PJA2: variants seen among roughly 807,000 people sequenced by gnomAD.
PJA2 encodes praja ring finger ubiquitin ligase 2.
A neutral mutation model predicts 69.3 loss-of-function variants in PJA2; 25 were observed. The ratio of observed to expected loss-of-function variants is 0.36; its 90% CI spans 0.26 to 0.50. PJA2 has a LOEUF of 0.50. Among genes scored for constraint, PJA2 ranks in the 20% least tolerant of loss-of-function variants. The pLI, the probability that PJA2 is intolerant of heterozygous loss-of-function variation, is 0.96. For missense variants in PJA2, 809 were observed against 830.2 expected (o/e 0.97, Z 0.31); for synonymous variants, 308 against 277.8 (o/e 1.11, Z -1.08).
chr5:109,381,054 G>A (rs13154791), intron 3 of PJA2, among the ~76,000 whole-genome samples: 65,902 of 151,228 alleles, frequency 0.44, 17,665 homozygotes, highest in Middle Eastern at 0.6. Context: ...GATGGAGGTT[G>A]CAGTCAGCCA....
At chr5:109,388,878 T>C (rs1747222689) in intron 1 of PJA2, among the ~76,000 whole-genome samples, 1 of 152,192 alleles carries the variant, frequency 6.6e-6, no homozygotes, top group African/African-American at 2.4e-5. Flanking sequence ...AGTGAATGAA[T>C]TCCTTAGACA....
rs1007265301 is a variant in PJA2, at chr5:109,365,484, C to T, written c.1470-2462G>A. Among the ~76,000 whole-genome samples, 11 of 152,146 alleles carry T rather than the reference C, an allele frequency of 7.2e-5. 1 individual carries two copies. Among genetic ancestry groups the T allele is most frequent in the South Asian group, 2.1e-4 (1 of 4,814 alleles). On this transcript the variant is annotated intron_variant, in intron 5 of 9. Coordinates refer to ENST00000361189, the MANE Select transcript of PJA2 (RefSeq NM_014819.5). ...GTACACATATATGCTTTTATGTGTA[C>T]GGAAGATCTTTAGAAGTTCAAAAAG...
chr5:109,363,627 G>A (rs1358864375), intron 5 of PJA2, among the ~76,000 whole-genome samples: 1 of 152,146 alleles, frequency 6.6e-6, no homozygotes, highest in Non-Finnish European at 1.5e-5. Flanking sequence ...CCATCTCAGG[G>A]AGGCCTGTCT....
At chr5:109,400,253 T>C (rs1395889931) in intron 1 of PJA2, among the ~76,000 whole-genome samples, 2 of 148,720 alleles carry the variant, frequency 1.3e-5, no homozygotes, top group Non-Finnish European at 3.0e-5. Context: ...ATCACACCAC[T>C]GCACTCCAGT....
chr5:109,353,785 G>A (rs62643543), intron 7 of PJA2, among the ~76,000 whole-genome samples: 4,122 of 85,502 alleles, frequency 0.048, 110 homozygotes, highest in African/African-American at 0.11. Flanking sequence ...TAGATTAGAT[G>A]TCTATGATAT....
At chr5:109,406,624 T>G (rs181936854) in intron 1 of PJA2, among the ~76,000 whole-genome samples, 342 of 152,314 alleles carry the variant, frequency 2.2e-3, no homozygotes, top group African/African-American at 7.6e-3. Context: ...CAGTTTCTTA[T>G]AAACATCCAT....
At chr5:109,351,734 C>T (rs1762256092) in intron 7 of PJA2, among the ~76,000 whole-genome samples, 2 of 151,958 alleles carry the variant, frequency 1.3e-5, no homozygotes, top group Admixed American at 1.3e-4. Context: ...AAAACAATGA[C>T]CAATCTAGTA....
At chr5:109,400,493 G>C (rs1449964966) in intron 1 of PJA2, among the ~76,000 whole-genome samples, 1 of 135,756 alleles carries the variant, frequency 7.4e-6, no homozygotes, top group Non-Finnish European at 1.6e-5. Context: ...GGGAGGGGGG[G>C]GAAGGGCGGG....
intron 4 of PJA2, among the ~76,000 whole-genome samples, chr5:109,375,305 T>C (rs978261347): frequency 6.6e-6 from 1 of 151,798 alleles, no homozygotes; most frequent in African/African-American, 2.4e-5. Context: ...AGGTCACAGG[T>C]TCAAGACCAG....
At chr5:109,365,281 A>G (rs246104) in intron 5 of PJA2, among the ~76,000 whole-genome samples, 1 of 152,048 alleles carries the variant, frequency 6.6e-6, no homozygotes, top group Non-Finnish European at 1.5e-5. Context: ...TTCTTAGAAT[A>G]TGTGACTTTA....
chr5:109,383,249 T>C (rs891279581), intron 2 of PJA2, 154 bp downstream of exon 2: 10 of 548,914 alleles, frequency 1.8e-5, no homozygotes, highest in African/African-American at 9.7e-5. Flanking sequence ...TATCAAAAAT[T>C]AGAAACTAAG....
intron 4 of PJA2, among the ~76,000 whole-genome samples, chr5:109,372,542 G>A (rs1762690280): frequency 6.6e-6 from 1 of 152,104 alleles, no homozygotes; most frequent in Admixed American, 6.6e-5. Flanking sequence ...TAATAGTGCA[G>A]AGAAATCAAA....
intron 7 of PJA2, among the ~76,000 whole-genome samples, chr5:109,348,555 G>C (rs893679288): frequency 1.3e-5 from 2 of 152,300 alleles, no homozygotes; most frequent in Non-Finnish European, 2.9e-5. Context: ...AGTAGAAACA[G>C]TGTGCCCTCC....
chr5:109,406,117 C>T (rs567735469), intron 1 of PJA2, among the ~76,000 whole-genome samples: 39 of 147,682 alleles, frequency 2.6e-4, no homozygotes, highest in Non-Finnish European at 4.3e-4. Flanking sequence ...GATCTTGGCT[C>T]ACTGCGAGCT....
At chr5:109,359,957 G>A (rs548461059) in intron 6 of PJA2, among the ~76,000 whole-genome samples, 289 of 152,000 alleles carry the variant, frequency 1.9e-3, no homozygotes, top group Non-Finnish European at 3.1e-3. Flanking sequence ...CTCATAAGTG[G>A]GTCAGAAAAA....
At chr5:109,406,569 TGATG>T (rs916459104) in intron 1 of PJA2, among the ~76,000 whole-genome samples, 52 of 152,218 alleles carry the variant, frequency 3.4e-4, no homozygotes, top group Admixed American at 3.3e-3. Context: ...CATACACTGC[TGATG>T]GATATGTAAA....
chr5:109,399,720 A>G (rs1258803488), intron 1 of PJA2, among the ~76,000 whole-genome samples: 1 of 152,180 alleles, frequency 6.6e-6, no homozygotes, highest in African/African-American at 2.4e-5. Flanking sequence ...AAATTACAAG[A>G]CAAAAAAGCT....
chr5:109,372,929 A>G (rs994433773), intron 4 of PJA2, among the ~76,000 whole-genome samples: 19 of 141,108 alleles, frequency 1.3e-4, no homozygotes, highest in African/African-American at 4.9e-4. Flanking sequence ...AAAAAAAAGA[A>G]AGAAAGAAAA....
chr5:109,370,010 C>T (rs184753432), intron 4 of PJA2, among the ~76,000 whole-genome samples: 3 of 112,014 alleles, frequency 2.7e-5, no homozygotes, highest in Non-Finnish European at 5.1e-5. Context: ...CCAGCCTGGG[C>T]AACAGGAGTG....
Sources: allele counts gnomAD v4.1 joint callset (sites outside exome capture counted in the v4.1 genomes callset), GRCh38; gene constraint gnomAD v4.1.1; transcripts MANE v1.5; gene names NCBI Gene and HGNC (gene_info 2026-07-23, HGNC 2026-07-21).